The following THSD7A variants were observed in gnomAD, a reference collection of about 807,000 sequenced individuals.
The protein encoded by THSD7A is thrombospondin type 1 domain containing 7A.
In THSD7A, 96 loss-of-function variants were observed where a neutral mutation model predicts 231.3. The observed-to-expected ratio is 0.41, with a 90% CI of 0.35 to 0.49. The LOEUF is 0.49. Among genes scored for constraint, THSD7A ranks in the 20% least tolerant of loss-of-function variants. The pLI is 0.05. For synonymous variants in THSD7A, 940 were observed against 743.3 expected, an observed-to-expected ratio of 1.26 and a Z score of -4.30; for missense variants, 2,290 against 2,070.2, an observed-to-expected ratio of 1.11 and a Z score of -2.06.
At chr7:11,564,496 C>A (rs1790219871) in intron 4 of THSD7A, among the ~76,000 whole-genome samples, 1 of 152,204 alleles carries the variant, frequency 6.6e-6, no homozygotes, top group East Asian at 1.9e-4. Flanking sequence ...GTGAGCCTTG[C>A]CAGGGTCCCT....
intron 23 of THSD7A, among the ~76,000 whole-genome samples, chr7:11,394,311 C>T (rs1783097644): frequency 6.6e-6 from 1 of 152,144 alleles, no homozygotes; most frequent in Admixed American, 6.5e-5. Context: ...CAAGCAAGTG[C>T]TGAGAGATTT....
chr7:11,439,014 C>T (rs113404944), intron 13 of THSD7A, among the ~76,000 whole-genome samples: 2,633 of 151,878 alleles, frequency 0.017, 68 homozygotes, highest in African/African-American at 0.056. Flanking sequence ...CACAAAAAGT[C>T]TTAGAGTAAA....
intron 6 of THSD7A, among the ~76,000 whole-genome samples, chr7:11,505,097 A>G (rs2128311478): frequency 6.6e-6 from 1 of 152,316 alleles, no homozygotes; most frequent in Admixed American, 6.5e-5. Context: ...GCAGATTTAA[A>G]TAAAAATATC....
At chr7:11,720,983 G>T (rs957581974) in intron 1 of THSD7A, among the ~76,000 whole-genome samples, 2 of 151,626 alleles carry the variant, frequency 1.3e-5, no homozygotes, top group African/African-American at 2.4e-5. Flanking sequence ...CTCCACTTGA[G>T]TGATTTCATA....
At chr7:11,755,000 A>G (rs1264823851) in intron 1 of THSD7A, among the ~76,000 whole-genome samples, 2 of 152,122 alleles carry the variant, frequency 1.3e-5, no homozygotes, top group African/African-American at 4.8e-5. Flanking sequence ...ATAGAACTAT[A>G]TATTGACAAT....
intron 1 of THSD7A, among the ~76,000 whole-genome samples, chr7:11,727,068 T>G (rs1781572994): frequency 6.6e-6 from 1 of 151,962 alleles, no homozygotes; most frequent in Non-Finnish European, 1.5e-5. Context: ...CATTTAATCT[T>G]ACACCCCTGG....
At chr7:11,461,447 TTC>T (rs1214303467) in intron 10 of THSD7A, among the ~76,000 whole-genome samples, 1 of 152,184 alleles carries the variant, frequency 6.6e-6, no homozygotes, top group Non-Finnish European at 1.5e-5. Context: ...ATTAGATAAT[TTC>T]TGTCTTAATC....
chr7:11,796,453 A>G (rs543494938), intron 1 of THSD7A, among the ~76,000 whole-genome samples: 231 of 152,098 alleles, frequency 1.5e-3, no homozygotes, highest in Non-Finnish European at 2.7e-3. Context: ...TTGCAATTTC[A>G]TCACACTTTC....
At chr7:11,582,633 C>G (rs987973859) in intron 4 of THSD7A, among the ~76,000 whole-genome samples, 5 of 152,082 alleles carry the variant, frequency 3.3e-5, no homozygotes, top group Non-Finnish European at 7.4e-5. Context: ...TCACCTTTGT[C>G]TAAATTTTGC....
At chr7:11,786,344 A>C (rs1216703894) in intron 1 of THSD7A, among the ~76,000 whole-genome samples, 1 of 152,068 alleles carries the variant, frequency 6.6e-6, no homozygotes, top group Admixed American at 6.6e-5. Flanking sequence ...ATTGCTAGAA[A>C]CCCCTGCGGA....
Position 11,517,028 on chromosome 7 carries a change from T to C in THSD7A, c.1822+24391A>G, listed in dbSNP as rs573226225. 2.7e-5 allele frequency among the ~76,000 whole-genome samples: 4 copies of C among 146,832 alleles called. No homozygotes were observed. In the East Asian group the frequency reaches 7.9e-4, roughly 29 times the overall value. On this transcript the variant is annotated intron_variant, in intron 6 of 27. Transcript: ENST00000423059. ...GTAATACGCATTGCCATCTGTCACA[T>C]TCATAGGTCCAATTGTTTAAGCAAG...
intron 2 of THSD7A, among the ~76,000 whole-genome samples, chr7:11,621,076 T>G (rs941502867): frequency 3.9e-5 from 6 of 152,184 alleles, no homozygotes; most frequent in Non-Finnish European, 7.3e-5. Context: ...CATTAGGCAA[T>G]GTTTTCTTTT....
At position 11,697,151 on chromosome 7, in the gene THSD7A, T is replaced by C. The variant is rs532037327; in HGVS notation, c.191-60190A>G. ...AAGTAAATATTATAATTCTCATTGT[T>C]TTAATATATAACTTAATGTTTTCCC... On this transcript the variant is annotated intron_variant, in intron 1 of 27. Transcript: ENST00000423059. 2.0e-5 allele frequency among the ~76,000 whole-genome samples: 3 copies of C among 151,582 alleles called. No individual in the cohort carries two copies. The East Asian group carries it at 5.9e-4, about 30-fold the overall frequency.
At chr7:11,658,286 C>T (rs1038414921) in intron 1 of THSD7A, among the ~76,000 whole-genome samples, 2 of 151,622 alleles carry the variant, frequency 1.3e-5, no homozygotes, top group Non-Finnish European at 3.0e-5. Context: ...CATGATTTTC[C>T]TACTGGTTTA....
intron 11 of THSD7A, among the ~76,000 whole-genome samples, chr7:11,459,781 A>G (rs1435159976): frequency 6.6e-6 from 1 of 150,756 alleles, no homozygotes; most frequent in African/African-American, 2.4e-5. Flanking sequence ...CAAATCAGCA[A>G]AAACTGGAAT....
In THSD7A at chr7:11,474,265, A is replaced by G; in HGVS notation, c.2252+69T>C. The G allele has an allele frequency of 4.6e-6, 6 of 1,303,144 alleles. No individual in the cohort carries two copies. Among genetic ancestry groups the G allele is most frequent in the Non-Finnish European group, 5.3e-6 (5 of 937,182 alleles). 80.7% of individuals were successfully genotyped at this position (1,303,144 alleles called of 1,614,324 possible). On this transcript the variant is annotated intron_variant, in intron 8 of 27. Coordinates refer to ENST00000423059, the MANE Select transcript of THSD7A (RefSeq NM_015204.3). The surrounding 1 kb of genome is among the most constrained non-coding windows in gnomAD (Gnocchi z 4.1). The stretch of plus-strand genomic sequence containing the variant: ...TCAAAATGTTCCATTTCATGAAGCC[A>G]GTGAAGCCTGAGCCAATCCTCTGCA...
intron 6 of THSD7A, among the ~76,000 whole-genome samples, chr7:11,537,657 A>G (rs1788969434): frequency 6.6e-6 from 1 of 152,168 alleles, no homozygotes; most frequent in African/African-American, 2.4e-5. Flanking sequence ...TACAGCCTGC[A>G]GGACTGCGAG....
At chr7:11,501,737 C>T (rs1031205077) in intron 6 of THSD7A, among the ~76,000 whole-genome samples, 1 of 151,958 alleles carries the variant, frequency 6.6e-6, no homozygotes, top group Non-Finnish European at 1.5e-5. Context: ...GAAGCAATAG[C>T]AAATAAACCC....
intron 1 of THSD7A, among the ~76,000 whole-genome samples, chr7:11,803,316 C>A (rs1784324483): frequency 6.6e-6 from 1 of 152,074 alleles, no homozygotes; most frequent in Admixed American, 6.6e-5. Flanking sequence ...GAAAAATTAA[C>A]AATGTAAGCA....
Sources: gnomAD v4.1 joint callset for allele counts (sites outside exome capture counted in the v4.1 genomes callset) on GRCh38, gnomAD v4.1.1 for gene constraint, Gnocchi (gnomAD v3.1) non-coding constraint, MANE v1.5 for transcripts, NCBI Gene and HGNC (gene_info 2026-07-23, HGNC 2026-07-21) for gene names.